The following CREBBP variants were observed in gnomAD, a reference collection of about 807,000 sequenced individuals.
The protein encoded by CREBBP is CREB-binding protein.
A neutral mutation model predicts 265.0 loss-of-function variants in CREBBP; 19 were observed. The observed-to-expected ratio is 0.07, with a 90% confidence interval of 0.05 to 0.11. CREBBP has a LOEUF of 0.11. Ranked by LOEUF, CREBBP falls within the 10% of genes least tolerant of loss-of-function variation. CREBBP has a pLI of 1.00. For missense variants in CREBBP, 2,525 were observed against 3,219.0 expected (o/e 0.78, Z 5.22); for synonymous variants, 1,457 against 1,223.7 (o/e 1.19, Z -3.98).
intron 3 of CREBBP, among the ~76,000 whole-genome samples, chr16:3,806,891 T>TG (rs1412243187): frequency 2.0e-5 from 3 of 152,260 alleles, no homozygotes; most frequent in South Asian, 4.2e-4. Flanking sequence ...CCCAATACCC[T>TG]GGGGTCTCTG....
rs2151300289 is a variant in CREBBP, at chr16:3,728,099, G to A, written c.6948C>T (p.Pro2316=). Residue 2316 remains proline, a synonymous_variant, in exon 31 of 31, where the codon CCC becomes CCT. Transcript: ENST00000262367. The surrounding 1 kb of genome is among the most constrained non-coding windows in gnomAD (Gnocchi z 8.7). The part of the protein sequence containing the change: ...GSPGQPNPMS[P]QQHMLSGQPQ... ...GCTGTCCTGAGAGCATGTGTTGCTG[G>A]GGGCTCATGGGGTTCGGCTGGCCTG... 6.2e-7 allele frequency: 1 copy of A among 1,614,182 alleles called. No homozygotes were observed. Among genetic ancestry groups the A allele is most frequent in the Non-Finnish European group, 8.5e-7 (1 of 1,180,018 alleles).
intron 5 of CREBBP, among the ~76,000 whole-genome samples, chr16:3,786,338 C>T (rs958849445): frequency 2.0e-5 from 3 of 152,136 alleles, no homozygotes; most frequent in Admixed American, 6.5e-5. Context: ...TACACTCCAG[C>T]CTGGGCAACA....
chr16:3,769,210 G>A lies in CREBBP; in HGVS notation c.3024C>T (p.Pro1008=), dbSNP rs144649776. Residue 1008 remains proline, a synonymous_variant, in exon 15 of 31, where the codon CCC becomes CCT. Coordinates refer to ENST00000262367, the MANE Select transcript of CREBBP (RefSeq NM_004380.3). ...KTETQAEDTE[P]DPGESKGEPR... is the part of the protein sequence containing the mutation. ...GCTCCCCTTTGGATTCACCAGGATC[G>A]GGCTCAGTGTCCTCTGCTTGGGTCT... The A allele has an allele frequency of 2.8e-4, 444 of 1,614,062 alleles. No individual in the cohort carries two copies. Among genetic ancestry groups the A allele is most frequent in the Non-Finnish European group, 2.5e-4 (292 of 1,180,018 alleles).
intron 16 of CREBBP, among the ~76,000 whole-genome samples, chr16:3,764,500 G>A (rs531958407): frequency 4.7e-5 from 7 of 149,440 alleles, no homozygotes; most frequent in South Asian, 2.1e-4. Flanking sequence ...GGTCTTGAAC[G>A]CCTGGCCATA....
At position 3,782,881 on chromosome 16, in the gene CREBBP, G is replaced by A. The variant is rs866808464; in HGVS notation, c.1376C>T (p.Ser459Phe). 2 of 1,614,204 alleles carry A rather than the reference G, an allele frequency of 1.2e-6. No individual in the cohort carries two copies. Among genetic ancestry groups the A allele is most frequent in the Non-Finnish European group, 1.7e-6 (2 of 1,180,040 alleles). ...PASGIQNTIG[S>F]VGTGQQNATS... ...GGCATTCTGTTGCCCTGTGCCAACA[G>A]AACCAATTGTGTTTTGAATTCCACT... The change falls in exon 6 of 31, where the codon TCT (serine) becomes TTT (phenylalanine). Residue 459 changes from serine (S) to phenylalanine (F), a missense_variant. Ser to Phe is a radical substitution (Grantham distance 155, BLOSUM62 -2). Transcript: ENST00000262367.
At chr16:3,871,328 C>T (rs1184305792) in intron 1 of CREBBP, among the ~76,000 whole-genome samples, 3 of 152,124 alleles carry the variant, frequency 2.0e-5, no homozygotes, top group Non-Finnish European at 4.4e-5. Flanking sequence ...TGAGCAGGAG[C>T]CAGGGCTCCC....
At chr16:3,878,882 T>C (rs962822588) in intron 1 of CREBBP, among the ~76,000 whole-genome samples, 5 of 152,188 alleles carry the variant, frequency 3.3e-5, no homozygotes, top group African/African-American at 1.2e-4. Context: ...AATTACTGAA[T>C]TAATAGAAAA....
At chr16:3,754,916 A>T (rs568031281) in intron 19 of CREBBP, among the ~76,000 whole-genome samples, 2 of 152,242 alleles carry the variant, frequency 1.3e-5, no homozygotes, top group Admixed American at 1.3e-4. Flanking sequence ...AAATAAAAAC[A>T]TAAGCAGTTA....
In CREBBP at chr16:3,863,694, T is replaced by G. The variant is rs189767523; in HGVS notation, c.86-12685A>C. Among the ~76,000 whole-genome samples, 229 of 152,250 alleles carry G rather than the reference T, an allele frequency of 1.5e-3. 1 individual carries two copies. Among genetic ancestry groups the G allele is most frequent in the African/African-American group, 5.0e-3 (209 of 41,542 alleles). On this transcript the variant is annotated intron_variant, in intron 1 of 30. Coordinates refer to ENST00000262367, the MANE Select transcript of CREBBP (RefSeq NM_004380.3). ...AAACTGTCCTGGAAATGCAGCCAAG[T>G]CTATTTTTATTTGGTGCACTTAGCA...
chr16:3,815,459 G>A (rs1203641196), intron 2 of CREBBP, among the ~76,000 whole-genome samples: 1 of 150,304 alleles, frequency 6.7e-6, no homozygotes, highest in Non-Finnish European at 1.5e-5. Flanking sequence ...GAACCCGGGA[G>A]GCAGAAAATG....
intron 25 of CREBBP, 182 bp downstream of exon 25, chr16:3,739,396 A>C: frequency 2.8e-6 from 2 of 709,930 alleles, no homozygotes; most frequent in Non-Finnish European, 4.7e-6. Context: ...CAGTCATCTC[A>C]ACAGTTCATT....
In CREBBP at chr16:3,728,816, G is replaced by A. The variant is rs2151305314; in HGVS notation, c.6231C>T (p.Pro2077=). The A allele has an allele frequency of 6.2e-7, 1 of 1,613,630 alleles. No individual in the cohort carries two copies. The highest frequency in any genetic ancestry group is 8.5e-7 in the Non-Finnish European group (1 of 1,180,006). Residue 2077 remains proline (P), a synonymous_variant, in exon 31 of 31, where the codon CCC becomes CCT. Coordinates refer to ENST00000262367, the MANE Select transcript of CREBBP (RefSeq NM_004380.3). This position sits in a 1 kb window ranked among gnomAD's most constrained non-coding sequence, Gnocchi z 8.7. ...CCTGCTGTTGCTGCTGAGGGGAGCTGGGCGACTTCAGGGTCCGCAGCAGGT... is the reference window on the plus strand; with the variant it reads ...CCTGCTGTTGCTGCTGAGGGGAGCTAGGCGACTTCAGGGTCCGCAGCAGGT... ...LQDLLRTLKS[P]SSPQQQQQVL... is the part of the protein sequence containing the mutation.
rs1239213391 is a variant in CREBBP, at chr16:3,810,700, A to G, written c.878T>C (p.Val293Ala). 6 of 1,613,678 alleles carry G rather than the reference A, an allele frequency of 3.7e-6. No homozygotes were observed. The highest frequency in any genetic ancestry group is 5.1e-6 in the Non-Finnish European group (6 of 1,179,928). ...AGGQPMGATG[V>A]NPQLASKQSM... is the part of the protein sequence containing the mutation. ...CTGTTTGCTGGCTAACTGGGGGTTCACTCCAGTGGCTCCCATTGGCTGCCC... is the reference window on the plus strand; with the variant it reads ...CTGTTTGCTGGCTAACTGGGGGTTCGCTCCAGTGGCTCCCATTGGCTGCCC... The change falls in exon 3 of 31, where the codon GTG (valine) becomes GCG (alanine). Residue 293 changes from valine to alanine, a missense_variant. Physicochemically the swap from Val to Ala is moderately conservative, Grantham distance 64. Around this residue, in one of 19 missense-constraint regions of CREBBP, gnomAD observed 126 missense variants for 171.9 expected, o/e 0.73. Coordinates refer to ENST00000262367, the MANE Select transcript of CREBBP (RefSeq NM_004380.3).
At chr16:3,776,062 G>A (rs2053131208) in intron 11 of CREBBP, among the ~76,000 whole-genome samples, 1 of 152,074 alleles carries the variant, frequency 6.6e-6, no homozygotes, top group Admixed American at 6.6e-5. Context: ...GATTACAGGT[G>A]TGCACCACCA....
chr16:3,741,965 A>C (rs2151346104), intron 23 of CREBBP: 1 of 152,428 alleles, frequency 6.6e-6, no homozygotes, highest in African/African-American at 2.4e-5. Context: ...CTGTAGTCCC[A>C]GCTACTCGGG....
At chr16:3,781,163 C>T (rs2053265112) in intron 7 of CREBBP, 41 bp downstream of exon 7, 2 of 1,526,162 alleles carry the variant, frequency 1.3e-6, no homozygotes, top group Non-Finnish European at 1.8e-6. Flanking sequence ...TCAGTCCATG[C>T]TCCTGTTGGA....
At chr16:3,730,825 G>T (rs906133312) in intron 30 of CREBBP, among the ~76,000 whole-genome samples, 1 of 152,196 alleles carries the variant, frequency 6.6e-6, no homozygotes, top group African/African-American at 2.4e-5. Flanking sequence ...TCCTAGAGGG[G>T]AGTGAGGGAG....
intron 2 of CREBBP, among the ~76,000 whole-genome samples, chr16:3,838,635 C>T (rs994415870): frequency 7.9e-5 from 12 of 152,038 alleles, no homozygotes; most frequent in African/African-American, 2.7e-4. Context: ...TTTTCTTTAG[C>T]GCTAAGTATG....
chr16:3,735,150 G>A (rs1399703973), intron 28 of CREBBP, among the ~76,000 whole-genome samples: 1 of 152,110 alleles, frequency 6.6e-6, no homozygotes, highest in South Asian at 2.1e-4. Flanking sequence ...GCACCTTCCT[G>A]TGGTGGGCGG....
Sources: gnomAD v4.1 joint callset for allele counts (sites outside exome capture counted in the v4.1 genomes callset) on GRCh38, gnomAD v4.1.1 for gene constraint, gnomAD v4.1.1 regional missense constraint, Gnocchi (gnomAD v3.1) non-coding constraint, MANE v1.5 for transcripts, NCBI Gene and HGNC (gene_info 2026-07-23, HGNC 2026-07-21) for gene names.